Variants in MPDZ observed in about 807,000 individuals in gnomAD.
The protein encoded by MPDZ is multiple PDZ domain crumbs cell polarity complex component.
MPDZ carries 234 observed loss-of-function variants against 239.1 expected under a neutral mutation model. That is an observed-to-expected ratio of 0.98 (90% confidence interval 0.88 to 1.09). The LOEUF is 1.09. MPDZ is among the 50% of genes least tolerant of loss of function. MPDZ has a pLI of 0.00. For missense variants in MPDZ, 3,175 were observed against 2,510.0 expected (o/e 1.26, Z -5.66); for synonymous variants, 1,048 against 881.3 (o/e 1.19, Z -3.35).
Position 13,192,190 on chromosome 9 carries a change from GT to G in MPDZ, c.1908del (p.Thr638ProfsTer16). ...CTATCCAATTCTGATTGGGTGGTGGGTGGCACAGTTCGACGACAGCACACCA... is the reference window on the plus strand; with the variant it reads ...CTATCCAATTCTGATTGGGTGGTGGGGGCACAGTTCGACGACAGCACACCA... ...VTMVCCRRTV[P>X]PTTQSELDSL... On this transcript the variant is annotated frameshift_variant, in exon 15 of 47. Coordinates refer to ENST00000319217, the MANE Select transcript of MPDZ (RefSeq NM_001378778.1). LOFTEE classifies it high-confidence loss of function. The G allele has an allele frequency of 6.2e-7, 1 of 1,611,472 alleles. No individual in the cohort carries two copies. Among genetic ancestry groups the G allele is most frequent in the African/African-American group, 1.3e-5 (1 of 74,956 alleles).
At position 13,115,354 on chromosome 9, in the gene MPDZ, G is replaced by A. The variant is rs778274899; in HGVS notation, c.5380-20C>T. ...GGAACACTGGGGGTGGGCATGGGGG[G>A]TGTTTTATGGAAATGTTTAAATAAA... On this transcript the variant is annotated intron_variant, in intron 39 of 46. Transcript: ENST00000319217. The A allele has an allele frequency of 1.9e-6, 3 of 1,571,220 alleles. No homozygotes were observed. The highest frequency in any genetic ancestry group is 2.2e-5 in the South Asian group (2 of 90,120).
chr9:13,213,863 C>T (rs754718862), intron 10 of MPDZ, among the ~76,000 whole-genome samples: 3 of 151,924 alleles, frequency 2.0e-5, no homozygotes, highest in Non-Finnish European at 2.9e-5. Context: ...AATGATAGCC[C>T]TCAATAAATA....
At chr9:13,273,337 C>G (rs1163385622) in intron 1 of MPDZ, among the ~76,000 whole-genome samples, 3 of 152,138 alleles carry the variant, frequency 2.0e-5, no homozygotes, top group African/African-American at 7.2e-5. Context: ...CTTTATGACT[C>G]TATCATCATG....
At chr9:13,120,486 T>TG (rs1274325375) in intron 38 of MPDZ, 1 of 152,214 alleles carries the variant, frequency 6.6e-6, no homozygotes, top group Non-Finnish European at 1.5e-5. Flanking sequence ...GATGACCTGG[T>TG]GACCCCACAT....
chr9:13,123,429 T>A, intron 35 of MPDZ, 131 bp from the exon 36 acceptor site: 1 of 609,672 alleles, frequency 1.6e-6, no homozygotes, highest in Non-Finnish European at 2.8e-6. Flanking sequence ...AAAGAGACTT[T>A]GTATTTACCT....
Position 13,168,383 on chromosome 9 carries a change from G to A in MPDZ, c.3237C>T (p.Leu1079=). 3 of 1,612,768 alleles carry A rather than the reference G, an allele frequency of 1.9e-6. No individual in the cohort carries two copies. The highest frequency in any genetic ancestry group is 1.7e-5 in the Admixed American group (1 of 59,878). ...ATACTTACTTTATGTCAGGGCCAATGAGAGAATGTCTTCTCAACATAGCTC... is the reference window on the plus strand; with the variant it reads ...ATACTTACTTTATGTCAGGGCCAATAAGAGAATGTCTTCTCAACATAGCTC... ...QARAMLRRHS[L]IGPDIKITYV... is the part of the protein sequence containing the mutation. The change falls in exon 22 of 47, where the codon CTC becomes CTT. Residue 1079 remains leucine (L), a synonymous_variant. Coordinates refer to ENST00000319217, the MANE Select transcript of MPDZ (RefSeq NM_001378778.1).
At chr9:13,191,384 A>G (rs1004960915) in intron 15 of MPDZ, among the ~76,000 whole-genome samples, 20 of 152,172 alleles carry the variant, frequency 1.3e-4, no homozygotes, top group Admixed American at 1.0e-3. Context: ...TGACTGGACC[A>G]CATATTATGC....
intron 1 of MPDZ, among the ~76,000 whole-genome samples, chr9:13,271,431 T>C (rs968182181): frequency 1.3e-5 from 2 of 152,178 alleles, no homozygotes; most frequent in African/African-American, 4.8e-5. Flanking sequence ...GCCCTTTCTG[T>C]GTAAAAGTAG....
At chr9:13,214,264 T>A (rs1958002017) in intron 10 of MPDZ, among the ~76,000 whole-genome samples, 1 of 151,984 alleles carries the variant, frequency 6.6e-6, no homozygotes, top group South Asian at 2.1e-4. Context: ...GACTGAAACA[T>A]ACTACAATAC....
intron 25 of MPDZ, among the ~76,000 whole-genome samples, chr9:13,148,887 C>T (rs971258182): frequency 6.6e-6 from 1 of 151,228 alleles, no homozygotes; most frequent in Non-Finnish European, 1.5e-5. Context: ...TTAAAACGCA[C>T]AAAAAAGTTC....
rs530316767 is a variant in MPDZ, at chr9:13,147,604, G to A, written c.3685C>T (p.Arg1229Trp). 2.1e-5 allele frequency: 34 copies of A among 1,612,330 alleles called. No individual in the cohort carries two copies. The highest frequency in any genetic ancestry group is 2.6e-5 in the Non-Finnish European group (31 of 1,178,806). Residue 1229 changes from arginine to tryptophan, a missense_variant, in exon 26 of 47, where the codon CGG (arginine) becomes TGG (tryptophan). Arg to Trp is a moderately radical substitution (Grantham distance 101). Transcript: ENST00000319217. ...ASHEQAVEAI[R>W]KAGNPVVFMV... ...AAGACTACAGGGTTGCCTGCTTTCC[G>A]AATGGCTTCCACAGCTTGTTCATGG...
chr9:13,207,766 T>C (rs2135749446), intron 10 of MPDZ, among the ~76,000 whole-genome samples: 1 of 152,286 alleles, frequency 6.6e-6, no homozygotes, highest in African/African-American at 2.4e-5. Flanking sequence ...TATAGTAGTG[T>C]CATCAAAACA....
intron 10 of MPDZ, among the ~76,000 whole-genome samples, chr9:13,207,611 C>T (rs1957145717): frequency 6.6e-6 from 1 of 152,196 alleles, no homozygotes; most frequent in African/African-American, 2.4e-5. Flanking sequence ...TCATAATAAA[C>T]TACCTTGATG....
intron 21 of MPDZ, among the ~76,000 whole-genome samples, chr9:13,169,726 T>C (rs909774681): frequency 6.6e-6 from 1 of 152,188 alleles, no homozygotes. Context: ...GTTATAGTAA[T>C]ACACAACATA....
intron 3 of MPDZ, among the ~76,000 whole-genome samples, chr9:13,236,243 G>GTA: frequency 6.9e-4 from 3 of 4,338 alleles, no homozygotes; most frequent in African/African-American, 9.2e-4. Context: ...ATATGTGTGT[G>GTA]TGTGTGTATA....
intron 3 of MPDZ, among the ~76,000 whole-genome samples, chr9:13,226,351 G>C (rs755708561): frequency 2.6e-5 from 4 of 152,014 alleles, no homozygotes; most frequent in Non-Finnish European, 5.9e-5. Context: ...TATTTATGTT[G>C]GGTGCCTGGA....
At chr9:13,149,034 A>C (rs1045660968) in intron 25 of MPDZ, among the ~76,000 whole-genome samples, 2 of 151,948 alleles carry the variant, frequency 1.3e-5, no homozygotes, top group African/African-American at 4.8e-5. Flanking sequence ...TTTAATAGTG[A>C]GGTATGCATA....
chr9:13,205,042 C>G lies in MPDZ; in HGVS notation c.1540G>C (p.Glu514Gln). Reference sequence around the variant, plus strand: ...GCTGGCGCTAGGTGTTTACCTTCTTCTTCAGTTGGTAATATGTTGGTGTTT... The same window carrying G: ...GCTGGCGCTAGGTGTTTACCTTCTTGTTCAGTTGGTAATATGTTGGTGTTT... Reference protein sequence around the residue: ...TRNTNILPTEEEGYPLLSAEI... With the variant: ...TRNTNILPTEQEGYPLLSAEI... The change falls in exon 12 of 47, where the codon GAA (glutamate) becomes CAA (glutamine). Residue 514 changes from glutamate (E) to glutamine (Q), a missense_variant. Transcript: ENST00000319217. 6.9e-7 allele frequency: 1 copy of G among 1,453,162 alleles called. No homozygotes were observed. Among genetic ancestry groups the G allele is most frequent in the Non-Finnish European group, 9.0e-7 (1 of 1,105,120 alleles). 90.0% of individuals were successfully genotyped at this position (1,453,162 alleles called of 1,614,324 possible).
chr9:13,176,792 T>C lies in MPDZ; in HGVS notation c.2650-375A>G, dbSNP rs73406281. On this transcript the variant is annotated intron_variant, in intron 19 of 46. Coordinates refer to ENST00000319217, the MANE Select transcript of MPDZ (RefSeq NM_001378778.1). ...CAAATCTCACTTAAAGTGTAGTTTG[T>C]TTCCCATCAGTCTGAAGTTCCCATT... 7.2e-3 allele frequency among the ~76,000 whole-genome samples: 1,098 copies of C among 152,250 alleles called. 12 individuals carry two copies. Among genetic ancestry groups the C allele is most frequent in the African/African-American group, 0.025 (1,038 of 41,568 alleles).
Sources: gnomAD v4.1 joint callset for allele counts (sites outside exome capture counted in the v4.1 genomes callset) on GRCh38, gnomAD v4.1.1 for gene constraint, MANE v1.5 for transcripts, NCBI Gene and HGNC (gene_info 2026-07-23, HGNC 2026-07-21) for gene names.